Variants in RCOR3 observed in about 807,000 individuals in gnomAD.
The protein encoded by RCOR3 is REST corepressor 3.
RCOR3 carries 13 observed loss-of-function variants against 64.1 expected under a neutral mutation model. That is an observed-to-expected ratio of 0.20 (90% CI 0.13 to 0.32). The LOEUF is 0.32. Among genes scored for constraint, RCOR3 ranks in the 10% least tolerant of loss-of-function variants. RCOR3 has a pLI of 1.00. For missense variants in RCOR3, 489 were observed against 701.2 expected, an observed-to-expected ratio of 0.70 and a Z score of 3.42; for synonymous variants, 215 against 239.0, an observed-to-expected ratio of 0.90 and a Z score of 0.93.
intron 2 of RCOR3, among the ~76,000 whole-genome samples, chr1:211,270,857 C>CTTTT (rs1420971089): frequency 7.0e-6 from 1 of 142,046 alleles, no homozygotes; most frequent in Non-Finnish European, 1.5e-5. Context: ...ATAAAGCTTA[C>CTTTT]TTTTTTTTTT....
intron 1 of RCOR3, 162 bp from the exon 2 acceptor site, chr1:211,259,946 C>CCAAACCCGGCCCA: frequency 7.3e-7 from 1 of 1,375,014 alleles, no homozygotes; most frequent in Non-Finnish European, 9.4e-7. Flanking sequence ...TCCCCGCCCC[C>CCAAACCCGGCCCA]AATCCGCTGC....
chr1:211,259,420 T>C lies in RCOR3; in HGVS notation c.-141T>C. On this transcript the variant is annotated 5_prime_UTR_variant, in exon 1 of 12. Transcript: ENST00000419091. Reference sequence around the variant, plus strand: ...GAGCGGGGCGGTTATGGCGGCTCCATATTAACAGCCTCCTCCTCCTCCGCC... The same window carrying C: ...GAGCGGGGCGGTTATGGCGGCTCCACATTAACAGCCTCCTCCTCCTCCGCC... The C allele has an allele frequency of 1.3e-6, 1 of 777,244 alleles. No homozygotes were observed. The highest frequency in any genetic ancestry group is 2.0e-6 in the Non-Finnish European group (1 of 508,614). The allele number at this position is 777,244 out of a possible 1,614,324, so 48.1% of individuals were successfully genotyped here.
intron 8 of RCOR3, among the ~76,000 whole-genome samples, chr1:211,289,765 GGTT>G (rs71823270): frequency 0.034 from 5,184 of 152,238 alleles, 288 homozygotes; most frequent in East Asian, 0.26. Flanking sequence ...AGTGAGTGAT[GGTT>G]GTTGTCTTCA....
chr1:211,308,684 G>GTTTTTTTTTTT (rs71585833), intron 10 of RCOR3, among the ~76,000 whole-genome samples: 4 of 42,044 alleles, frequency 9.5e-5, no homozygotes, highest in Admixed American at 3.0e-4. Flanking sequence ...TTTTTTTTTT[G>GTTTTTTTTTTT]TTTTTTTTTT....
intron 4 of RCOR3, among the ~76,000 whole-genome samples, chr1:211,274,520 A>G (rs1011600372): frequency 1.3e-5 from 2 of 152,088 alleles, no homozygotes; most frequent in African/African-American, 4.8e-5. Flanking sequence ...AGTTTCTGGA[A>G]GCCTTCAGTA....
rs139315119 is a variant in RCOR3 at position 211,287,659 on chromosome 1, T to C, written c.721-1519T>C. 3.8e-3 allele frequency among the ~76,000 whole-genome samples: 586 copies of C among 152,212 alleles called. 3 individuals carry two copies. The highest frequency in any genetic ancestry group is 0.014 in the African/African-American group (563 of 41,534). On this transcript the variant is annotated intron_variant, in intron 7 of 11. Transcript: ENST00000419091. ...CACTTTAGGTAGCCGAGGCAGTGGA[T>C]CACCTGATGTCAGGAGTTGAAGACC...
chr1:211,304,194 A>G, intron 10 of RCOR3, 54 bp downstream of exon 10: 1 of 1,293,152 alleles, frequency 7.7e-7, no homozygotes, highest in East Asian at 2.5e-5. Flanking sequence ...TTTGTCATGA[A>G]AGGTGACTAC....
In RCOR3 at chr1:211,271,261, G is replaced by A. The variant is rs1696148029; in HGVS notation, c.253G>A (p.Gly85Arg). ...TACAAAGTACACAGATAAAGACAAT[G>A]GAGGGATGCTTGTATGGTCTCCATA... ...GATKYTDKDN[G>R]GMLVWSPYHS... The change falls in exon 3 of 12, where the codon GGA becomes AGA. Residue 85 changes from glycine to arginine, a missense_variant. Gly to Arg is a moderately radical substitution (Grantham distance 125). Coordinates refer to ENST00000419091, the MANE Select transcript of RCOR3 (RefSeq NM_001136223.3). 1 of 1,613,684 alleles carries A rather than the reference G, an allele frequency of 6.2e-7. No homozygotes were observed. The highest frequency in any genetic ancestry group is 1.1e-5 in the South Asian group (1 of 91,042).
At chr1:211,289,798 CAGT>C (rs1699021259) in intron 8 of RCOR3, among the ~76,000 whole-genome samples, 1 of 152,068 alleles carries the variant, frequency 6.6e-6, no homozygotes, top group African/African-American at 2.4e-5. Flanking sequence ...TCATCATTAT[CAGT>C]AGTAGTACTA....
At chr1:211,300,395 C>T (rs1034723172) in intron 9 of RCOR3, among the ~76,000 whole-genome samples, 1 of 152,074 alleles carries the variant, frequency 6.6e-6, no homozygotes, top group Admixed American at 6.6e-5. Flanking sequence ...CACGGAGCTG[C>T]CTCTTATAAA....
chr1:211,271,763 G>A (rs1696236855), intron 3 of RCOR3: 2 of 276,156 alleles, frequency 7.2e-6, no homozygotes, highest in Non-Finnish European at 7.3e-6. Flanking sequence ...TCTGGACGGA[G>A]ACCTTCTGGA....
chr1:211,282,044 AATATATGTATGT>A (rs1272898145), intron 7 of RCOR3, among the ~76,000 whole-genome samples: 4 of 152,228 alleles, frequency 2.6e-5, no homozygotes, highest in Non-Finnish European at 5.9e-5. Flanking sequence ...CTACCTAGAA[AATATATGTATGT>A]ATATATGTAT....
chr1:211,305,132 C>T (rs533627130), intron 10 of RCOR3, among the ~76,000 whole-genome samples: 3 of 152,230 alleles, frequency 2.0e-5, no homozygotes, highest in South Asian at 2.1e-4. Flanking sequence ...TGGATGACTC[C>T]GCAGTTTGGA....
At chr1:211,307,371 C>G (rs777318706) in intron 10 of RCOR3, among the ~76,000 whole-genome samples, 1 of 151,924 alleles carries the variant, frequency 6.6e-6, no homozygotes, top group East Asian at 1.9e-4. Flanking sequence ...CACGTGTAGT[C>G]CCAGCTGCTT....
rs898721760 is a variant in RCOR3, at chr1:211,259,559, C to T, written c.-2C>T. The T allele has an allele frequency of 6.5e-7, 1 of 1,547,764 alleles. No homozygotes were observed. Among genetic ancestry groups the T allele is most frequent in the Non-Finnish European group, 8.7e-7 (1 of 1,145,748 alleles). The stretch of plus-strand genomic sequence containing the variant: ...TCACCTTTCCCCCTCCCCTGTTCTA[C>T]CATGCCCGGCATGATGGAGAAAGGG... On this transcript the variant is annotated 5_prime_UTR_variant, in exon 1 of 12. Coordinates refer to ENST00000419091, the MANE Select transcript of RCOR3 (RefSeq NM_001136223.3).
chr1:211,282,939 ATACT>A, intron 7 of RCOR3, among the ~76,000 whole-genome samples: 1 of 152,140 alleles, frequency 6.6e-6, no homozygotes, highest in East Asian at 1.9e-4. Context: ...CATTTATTTC[ATACT>A]TTATTTAATT....
chr1:211,276,564 G>A (rs2102497415), intron 5 of RCOR3, 146 bp downstream of exon 5: 2 of 663,086 alleles, frequency 3.0e-6, no homozygotes, highest in Non-Finnish European at 4.7e-6. Flanking sequence ...ATACAATCCT[G>A]TTTTCTGCAA....
rs552102194 is a variant in RCOR3, at chr1:211,282,087, A to G, written c.720+2771A>G. Among the ~76,000 whole-genome samples the G allele has an allele frequency of 2.0e-5, 3 of 152,348 alleles. No individual in the cohort carries two copies. In the East Asian group the frequency reaches 5.8e-4, roughly 29 times the overall value. ...TGTATGTGTATATATGTATGTATAT[A>G]TATGGAATATATAGTTTTGCCCAAC... On this transcript the variant is annotated intron_variant, in intron 7 of 11. Transcript: ENST00000419091.
chr1:211,268,088 G>C (rs1229606366), intron 2 of RCOR3, among the ~76,000 whole-genome samples: 1 of 152,116 alleles, frequency 6.6e-6, no homozygotes, highest in East Asian at 1.9e-4. Context: ...GTTGCATTTC[G>C]TGTTCTATTA....
Sources: gnomAD v4.1 joint callset for allele counts (sites outside exome capture counted in the v4.1 genomes callset) on GRCh38, gnomAD v4.1.1 for gene constraint, MANE v1.5 for transcripts, NCBI Gene and HGNC (gene_info 2026-07-23, HGNC 2026-07-21) for gene names.